COL19A1: variants seen among roughly 807,000 people sequenced by gnomAD.
COL19A1 encodes collagen alpha-1(XIX) chain.
Under a neutral mutation model 190.2 loss-of-function variants are expected in COL19A1, and 159 were observed. That is an observed-to-expected ratio of 0.84 (90% confidence interval 0.73 to 0.95). The LOEUF (loss-of-function observed/expected upper bound fraction) is 0.95, where lower values mean the gene tolerates loss of function less well. Among genes scored for constraint, COL19A1 ranks in the 40% least tolerant of loss-of-function variants. The pLI, the probability that COL19A1 is intolerant of heterozygous loss-of-function variation, is 0.00. For missense variants in COL19A1, 1,418 were observed against 1,431.9 expected (o/e 0.99, Z 0.16); for synonymous variants, 509 against 458.9 (o/e 1.11, Z -1.39).
chr6:70,074,793 A>G (rs1781783540), intron 15 of COL19A1, among the ~76,000 whole-genome samples: 1 of 147,278 alleles, frequency 6.8e-6, no homozygotes, highest in African/African-American at 2.7e-5. Context: ...TTATGTGTCA[A>G]AACTGACAAT....
intron 15 of COL19A1, among the ~76,000 whole-genome samples, chr6:70,071,163 C>T (rs1781525430): frequency 6.6e-6 from 1 of 152,028 alleles, no homozygotes; most frequent in African/African-American, 2.4e-5. Context: ...ACATGGGTGT[C>T]ACATTTAAAC....
Position 70,102,238 on chromosome 6 carries a change from A to C in COL19A1, c.1278+16A>C, listed in dbSNP as rs1157379703. 6.3e-7 allele frequency: 1 copy of C among 1,576,312 alleles called. No individual in the cohort carries two copies. The highest frequency in any genetic ancestry group is 1.7e-5 in the Admixed American group (1 of 59,942). Reference sequence around the variant, plus strand: ...AGGACCACCTGTGAGTAAACAATACAATGACTGTCCCTTTAAAGAGTCTGT... The same window carrying C: ...AGGACCACCTGTGAGTAAACAATACCATGACTGTCCCTTTAAAGAGTCTGT... On this transcript the variant is annotated intron_variant, in intron 16 of 50. Transcript: ENST00000620364.
At chr6:70,112,706 A>G (rs190200058) in intron 16 of COL19A1, among the ~76,000 whole-genome samples, 1 of 152,308 alleles carries the variant, frequency 6.6e-6, no homozygotes, top group East Asian at 1.9e-4. Context: ...TGGGTTAATT[A>G]TGCCCATTGA....
intron 11 of COL19A1, among the ~76,000 whole-genome samples, chr6:69,968,776 G>A (rs1170554206): frequency 6.6e-6 from 1 of 152,152 alleles, no homozygotes; most frequent in Non-Finnish European, 1.5e-5. Context: ...GGTATTGAGT[G>A]AGAAAAAGCC....
chr6:70,036,857 C>G (rs1779382204), intron 14 of COL19A1, among the ~76,000 whole-genome samples: 1 of 152,010 alleles, frequency 6.6e-6, no homozygotes, highest in Non-Finnish European at 1.5e-5. Flanking sequence ...ATAGGAATCT[C>G]AAAAACTGTG....
intron 39 of COL19A1, 22 bp from the exon 40 acceptor site, chr6:70,168,633 A>G (rs1277566357): frequency 1.2e-6 from 2 of 1,611,384 alleles, no homozygotes; most frequent in African/African-American, 1.3e-5. Flanking sequence ...TTGAAAAATG[A>G]CTTTCCATGT....
At chr6:69,871,809 A>ATTT (rs556851857) in intron 1 of COL19A1, among the ~76,000 whole-genome samples, 2 of 110,390 alleles carry the variant, frequency 1.8e-5, no homozygotes, top group Admixed American at 1.0e-4. Context: ...CAAGTCCACC[A>ATTT]TTTTTTTTTT....
chr6:70,023,418 G>T (rs1324400707), intron 11 of COL19A1, among the ~76,000 whole-genome samples: 1 of 152,134 alleles, frequency 6.6e-6, no homozygotes, highest in Non-Finnish European at 1.5e-5. Context: ...TTACAGGTGT[G>T]AACCACTGCA....
chr6:69,996,846 C>G (rs1776932383), intron 11 of COL19A1, among the ~76,000 whole-genome samples: 1 of 151,674 alleles, frequency 6.6e-6, no homozygotes, highest in African/African-American at 2.4e-5. Context: ...ACAGTACATT[C>G]AGTGAAATCT....
intron 31 of COL19A1, among the ~76,000 whole-genome samples, chr6:70,155,857 A>G (rs1333836269): frequency 1.3e-5 from 2 of 152,104 alleles, no homozygotes; most frequent in South Asian, 2.1e-4. Context: ...ATTTATTTGG[A>G]ATTTTCTATT....
intron 4 of COL19A1, among the ~76,000 whole-genome samples, chr6:69,902,088 T>C (rs1028410457): frequency 6.6e-6 from 1 of 152,198 alleles, no homozygotes; most frequent in African/African-American, 2.4e-5. Context: ...ACCTCCACTA[T>C]AGGAAACCGG....
At chr6:70,131,115 C>A in intron 18 of COL19A1, 1 of 406,290 alleles carries the variant, frequency 2.5e-6, no homozygotes. Context: ...ATGTTTCACT[C>A]CTGTTTGATT....
intron 14 of COL19A1, among the ~76,000 whole-genome samples, chr6:70,063,897 G>A (rs901126555): frequency 5.9e-5 from 9 of 152,070 alleles, no homozygotes; most frequent in South Asian, 2.1e-4. Context: ...TAAACTCCTC[G>A]ACACATACAC....
chr6:69,869,090 C>T (rs1260906328), intron 1 of COL19A1, among the ~76,000 whole-genome samples: 2 of 151,010 alleles, frequency 1.3e-5, no homozygotes, highest in African/African-American at 4.9e-5. Context: ...CTGAGGCAGG[C>T]CACATTGAGG....
Position 69,936,817 on chromosome 6 carries a change from A to C in COL19A1, c.780A>C (p.Ala260=). 6.2e-7 allele frequency: 1 copy of C among 1,613,144 alleles called. No individual in the cohort carries two copies. The highest frequency in any genetic ancestry group is 8.5e-7 in the Non-Finnish European group (1 of 1,179,292). Residue 260 remains alanine (A), a synonymous_variant, in exon 8 of 51, where the codon GCA becomes GCC. Coordinates refer to ENST00000620364, the MANE Select transcript of COL19A1 (RefSeq NM_001858.6). ...AGCAGGATGGCTTTGGAAATATTGCATCATCATGGGTAACTGCTCATGCCA... is the reference window on the plus strand; with the variant it reads ...AGCAGGATGGCTTTGGAAATATTGCCTCATCATGGGTAACTGCTCATGCCA... ...CPEQDGFGNI[A]SSWVTAHASK... is the part of the protein sequence containing the mutation.
At chr6:70,190,552 A>G (rs1429215413) in intron 48 of COL19A1, among the ~76,000 whole-genome samples, 171 bp downstream of exon 48, 1 of 152,196 alleles carries the variant, frequency 6.6e-6, no homozygotes, top group Non-Finnish European at 1.5e-5. Context: ...CTTTATACAA[A>G]GTTAACTTTT....
chr6:70,195,101 A>G (rs1767110097), intron 48 of COL19A1, among the ~76,000 whole-genome samples: 1 of 148,152 alleles, frequency 6.7e-6, no homozygotes, highest in South Asian at 2.1e-4. Context: ...TGTACTTGTT[A>G]TATACACTTC....
intron 11 of COL19A1, among the ~76,000 whole-genome samples, chr6:69,967,098 C>G (rs1582552142): frequency 6.6e-6 from 1 of 152,166 alleles, no homozygotes; most frequent in Admixed American, 6.5e-5. Flanking sequence ...AACTGCAGAA[C>G]CTATTGCTAA....
intron 11 of COL19A1, among the ~76,000 whole-genome samples, chr6:69,983,973 G>C (rs1394444480): frequency 6.6e-6 from 1 of 151,946 alleles, no homozygotes; most frequent in Non-Finnish European, 1.5e-5. Context: ...AAAATGAGTT[G>C]AATACTGAAT....
Sources: allele counts gnomAD v4.1 joint callset (sites outside exome capture counted in the v4.1 genomes callset), GRCh38; gene constraint gnomAD v4.1.1; transcripts MANE v1.5; gene names NCBI Gene and HGNC (gene_info 2026-07-23, HGNC 2026-07-21).